The following NFIC variants were observed in gnomAD, a reference collection of about 807,000 sequenced individuals.
NFIC encodes the protein nuclear factor I C.
A neutral mutation model predicts 54.4 loss-of-function variants in NFIC; 12 were observed. The observed-to-expected ratio is 0.22, with a 90% CI of 0.14 to 0.36. NFIC has a LOEUF of 0.36. Ranked by LOEUF, NFIC falls within the 10% of genes least tolerant of loss-of-function variation. The pLI, the probability that NFIC is intolerant of heterozygous loss-of-function variation, is 1.00. For missense variants in NFIC, 575 were observed against 718.2 expected, an observed-to-expected ratio of 0.80 and a Z score of 2.28; for synonymous variants, 322 against 319.2, an observed-to-expected ratio of 1.01 and a Z score of -0.09.
At chr19:3,409,318 G>A (rs954567928) in intron 2 of NFIC, among the ~76,000 whole-genome samples, 6 of 152,130 alleles carry the variant, frequency 3.9e-5, no homozygotes, top group Admixed American at 1.3e-4. Context: ...TCCTTCTCCC[G>A]CTGGAGAGCC....
At chr19:3,363,595 GTGTGTGTGCA>G (rs1350742549), upstream of NFIC, among the ~76,000 whole-genome samples, 1 of 151,752 alleles carries the variant, frequency 6.6e-6, no homozygotes, top group African/African-American at 2.4e-5. Context: ...GTGTGTGTGG[GTGTGTGTGCA>G]TGTGTGTGTA....
At chr19:3,450,215 G>T (rs1329371781) in intron 7 of NFIC, among the ~76,000 whole-genome samples, 18 of 142,962 alleles carry the variant, frequency 1.3e-4, no homozygotes, top group East Asian at 6.3e-4. Flanking sequence ...CGTGGTGGCA[G>T]GCGCCTGTAG....
chr19:3,394,681 G>A (rs565303966), intron 2 of NFIC, among the ~76,000 whole-genome samples: 11 of 151,882 alleles, frequency 7.2e-5, no homozygotes, highest in African/African-American at 2.2e-4. Context: ...GACGGGTTCC[G>A]TGCCTGGGAG....
chr19:3,402,044 TA>T (rs1330487563), intron 2 of NFIC, among the ~76,000 whole-genome samples: 1 of 144,850 alleles, frequency 6.9e-6, no homozygotes, highest in Non-Finnish European at 1.5e-5. Flanking sequence ...TTTTCTTTCT[TA>T]TTTTTTTTTC....
At chr19:3,372,719 G>C (rs1320844527) in intron 1 of NFIC, among the ~76,000 whole-genome samples, 1 of 148,950 alleles carries the variant, frequency 6.7e-6, no homozygotes, top group Admixed American at 6.6e-5. Flanking sequence ...GGGTGGGGGG[G>C]TGCCAGGAGG....
At chr19:3,400,691 C>T (rs540431503) in intron 2 of NFIC, among the ~76,000 whole-genome samples, 1 of 151,894 alleles carries the variant, frequency 6.6e-6, no homozygotes, top group South Asian at 2.1e-4. Context: ...AAATACAAAA[C>T]ATTAGCCAGG....
chr19:3,366,793 C>A (rs898427314), intron 1 of NFIC, 127 bp downstream of exon 1: 13 of 595,688 alleles, frequency 2.2e-5, no homozygotes, highest in Non-Finnish European at 5.3e-6. Flanking sequence ...GCCCGGGATG[C>A]CCCCCGCGCC....
chr19:3,363,872 G>C (rs934356819), upstream of NFIC, among the ~76,000 whole-genome samples: 1 of 152,242 alleles, frequency 6.6e-6, no homozygotes, highest in African/African-American at 2.4e-5. Context: ...CCCAGAGAGC[G>C]ATCCAGCCCC....
At chr19:3,383,118 A>T (rs1360124979) in intron 2 of NFIC, among the ~76,000 whole-genome samples, 2 of 150,248 alleles carry the variant, frequency 1.3e-5, no homozygotes. Flanking sequence ...GAGGAGAGGG[A>T]CAGGCCATCC....
intron 1 of NFIC, among the ~76,000 whole-genome samples, chr19:3,367,165 A>G (rs1199356611): frequency 6.6e-6 from 1 of 151,736 alleles, no homozygotes; most frequent in African/African-American, 2.4e-5. Flanking sequence ...TCCCCCCACC[A>G]AGGTTGTGCG....
intron 2 of NFIC, among the ~76,000 whole-genome samples, chr19:3,415,687 G>A (rs940152021): frequency 2.0e-5 from 3 of 152,156 alleles, no homozygotes; most frequent in Non-Finnish European, 2.9e-5. Context: ...GTTTGGAGCC[G>A]AGGAAGCCCT....
rs1192959676 is a variant in NFIC at position 3,371,992 on chromosome 19, TCTCTCC to T, written c.30+5332_30+5337del. On this transcript the variant is annotated intron_variant, in intron 1 of 10. Transcript: ENST00000443272. The stretch of plus-strand genomic sequence containing the variant: ...CCTTCTCTTTCTCTCTCTCTCCCTC[TCTCTCC>T]CTCTCTCTCTCTCTCTCTCTCTCTC... 2.5e-3 allele frequency among the ~76,000 whole-genome samples: 184 copies of T among 73,746 alleles called. 14 individuals are homozygous for T. Among genetic ancestry groups the T allele is most frequent in the South Asian group, 3.9e-3 (5 of 1,282 alleles). 48.4% of individuals were successfully genotyped at this position (73,746 alleles called of 152,430 possible).
chr19:3,456,406 G>T (rs1348416965), intron 9 of NFIC, 144 bp from the exon 10 acceptor site: 1 of 730,154 alleles, frequency 1.4e-6, no homozygotes, highest in East Asian at 2.7e-5. Context: ...CTGGGGGTAG[G>T]GCGGCAGGCT....
chr19:3,401,064 C>A (rs2081547136), intron 2 of NFIC, among the ~76,000 whole-genome samples: 1 of 152,174 alleles, frequency 6.6e-6, no homozygotes, highest in Admixed American at 6.5e-5. Context: ...GAGGGCACAG[C>A]CCGTGCAAAG....
chr19:3,359,745 T>C, intron 1 of NFIC: 1 of 1,371,198 alleles, frequency 7.3e-7, no homozygotes, highest in Non-Finnish European at 9.6e-7. Flanking sequence ...GTGCGTGGGC[T>C]CCGGGCGAAA....
At chr19:3,444,757 C>T (rs527783178) in intron 6 of NFIC, among the ~76,000 whole-genome samples, 25 of 152,314 alleles carry the variant, frequency 1.6e-4, no homozygotes, top group Non-Finnish European at 2.9e-4. Flanking sequence ...ACCCTAACCT[C>T]GTTCCCGCCG....
intron 2 of NFIC, among the ~76,000 whole-genome samples, chr19:3,384,759 G>A (rs1255050820): frequency 6.6e-6 from 1 of 151,346 alleles, no homozygotes; most frequent in East Asian, 2.0e-4. Flanking sequence ...CCCCACTGAT[G>A]AGCAACAAAC....
At chr19:3,387,445 A>G (rs1486663522) in intron 2 of NFIC, among the ~76,000 whole-genome samples, 2 of 152,116 alleles carry the variant, frequency 1.3e-5, no homozygotes, top group African/African-American at 4.8e-5. Flanking sequence ...GCAGTGAGCC[A>G]AGATCGCGAC....
chr19:3,446,761 G>C (rs1051072690), intron 6 of NFIC, among the ~76,000 whole-genome samples: 14 of 152,218 alleles, frequency 9.2e-5, no homozygotes, highest in African/African-American at 3.1e-4. Context: ...GCCAGGCACT[G>C]TGGCTCACGC....
Sources: gnomAD v4.1 joint callset for allele counts (sites outside exome capture counted in the v4.1 genomes callset) on GRCh38, gnomAD v4.1.1 for gene constraint, MANE v1.5 for transcripts, NCBI Gene and HGNC (gene_info 2026-07-23, HGNC 2026-07-21) for gene names.